HAUS5: variants seen among roughly 807,000 people sequenced by gnomAD.
HAUS5 encodes HAUS augmin like complex subunit 5, also known as HAUS augmin-like complex subunit 5.
A neutral mutation model predicts 94.1 loss-of-function variants in HAUS5; 67 were observed. That is an observed-to-expected ratio of 0.71 (90% confidence interval 0.58 to 0.87). HAUS5 has a LOEUF of 0.87. Among genes scored for constraint, HAUS5 ranks in the 40% least tolerant of loss-of-function variants. The pLI is 0.00. For missense variants in HAUS5, 739 were observed against 825.6 expected (o/e 0.90, Z 1.29); for synonymous variants, 339 against 355.4 (o/e 0.95, Z 0.52).
In HAUS5 at chr19:35,622,960, G is replaced by A; in HGVS notation, c.1869G>A (p.Gln623=). Residue 623 remains glutamine (Q), a synonymous_variant, in exon 19 of 19, where the codon CAG becomes CAA. Transcript: ENST00000203166. ...CCCAGTGGCGGCTGCGCTGGGTTCA[G>A]GCCCAGGGGGCCCTGCAGAAGCTGT... ...SLPQWRLRWV[Q]AQGALQKLCS is the part of the protein sequence containing the mutation. 3.1e-6 allele frequency: 5 copies of A among 1,612,610 alleles called. No homozygotes were observed. Among genetic ancestry groups the A allele is most frequent in the Non-Finnish European group, 4.2e-6 (5 of 1,179,356 alleles).
Position 35,619,997 on chromosome 19 carries a change from T to G in HAUS5, c.1407-15T>G, listed in dbSNP as rs945855597. The stretch of plus-strand genomic sequence containing the variant: ...TCTCAGTCCCCACCCAACCCAGACT[T>G]CTCCCCGCCCGTAGGTTGAAGCCCC... On this transcript the variant is annotated splice_polypyrimidine_tract_variant and intron_variant, in intron 15 of 18. Coordinates refer to ENST00000203166, the MANE Select transcript of HAUS5 (RefSeq NM_015302.2). The G allele has an allele frequency of 3.1e-6, 5 of 1,610,420 alleles. No individual in the cohort carries two copies. Among genetic ancestry groups the G allele is most frequent in the Admixed American group, 3.3e-5 (2 of 59,776 alleles).
At chr19:35,617,979 G>A (rs1648311236) in intron 9 of HAUS5, 67 bp downstream of exon 9, 4 of 1,606,272 alleles carry the variant, frequency 2.5e-6, no homozygotes, top group African/African-American at 1.3e-5. Flanking sequence ...AGGGTGCCAG[G>A]ACCTAACTCT....
Position 35,617,315 on chromosome 19 carries a change from G to T in HAUS5, c.584G>T (p.Arg195Leu). The T allele has an allele frequency of 6.2e-7, 1 of 1,613,952 alleles. No individual in the cohort carries two copies. Among genetic ancestry groups the T allele is most frequent in the Non-Finnish European group, 8.5e-7 (1 of 1,179,866 alleles). Residue 195 changes from arginine to leucine, a missense_variant, in exon 8 of 19, where the codon CGG (arginine) becomes CTG (leucine). By Grantham distance (102) the Arg-to-Leu change is moderately radical. Transcript: ENST00000203166. ...GATGTCCGAACAGCCTGCACCCTCC[G>T]GGCCCAGTTCCTGCAGAACCTCCTG... ...LRDVRTACTL[R>L]AQFLQNLLLP...
In HAUS5 at chr19:35,618,642, A is replaced by C. The variant is rs914798156; in HGVS notation, c.959A>C (p.Gln320Pro). ...CTGAAGGAGCGGCAAGTCTTGACCC[A>C]GCGCCTCCAGGGCCTGGTGGAGGAG... ...TLLKERQVLTQRLQGLVEEVE... is the reference protein window; with the variant it reads ...TLLKERQVLTPRLQGLVEEVE... The change falls in exon 12 of 19, where the codon CAG becomes CCG. Residue 320 changes from glutamine to proline, a missense_variant. Gln to Pro is a moderately conservative substitution (Grantham distance 76, BLOSUM62 -1). Coordinates refer to ENST00000203166, the MANE Select transcript of HAUS5 (RefSeq NM_015302.2). 2.5e-6 allele frequency: 4 copies of C among 1,607,106 alleles called. No homozygotes were observed. The highest frequency in any genetic ancestry group is 3.4e-6 in the Non-Finnish European group (4 of 1,174,766).
At chr19:35,619,584 G>GCCCCCCCCCCCCCCCCCCCAAC in intron 14 of HAUS5, 29 bp from the exon 15 acceptor site, 1 of 1,533,876 alleles carries the variant, frequency 6.5e-7, no homozygotes, top group East Asian at 2.3e-5. Flanking sequence ...ATGTTGTGAT[G>GCCCCCCCCCCCCCCCCCCCAAC]CCCCACCCAC....
rs1227771290 is a variant in HAUS5, at chr19:35,622,609, C to G, written c.1660C>G (p.Gln554Glu). ...GGCTTTCTCACCCTCAGAGCTGCTG[C>G]AGATCCAGGCATCCCAGGAAAAACA... ...PPGLPTQELL[Q>E]IQASQEKQQK... Residue 554 changes from glutamine to glutamate, a missense_variant, in exon 18 of 19, where the codon CAG becomes GAG. Physicochemically the swap from Gln to Glu is conservative, Grantham distance 29 (BLOSUM62 2). Transcript: ENST00000203166. The G allele has an allele frequency of 6.2e-7, 1 of 1,613,788 alleles. No homozygotes were observed. Among genetic ancestry groups the G allele is most frequent in the Admixed American group, 1.7e-5 (1 of 59,982 alleles).
At position 35,622,968 on chromosome 19, in the gene HAUS5, G is replaced by C; in HGVS notation, c.1877G>C (p.Gly626Ala). The change falls in exon 19 of 19, where the codon GGG becomes GCG. Residue 626 changes from glycine to alanine, a missense_variant. Transcript: ENST00000203166. ...CGGCTGCGCTGGGTTCAGGCCCAGG[G>C]GGCCCTGCAGAAGCTGTGCAGCTGA... ...QWRLRWVQAQGALQKLCS is the reference protein window; with the variant it reads ...QWRLRWVQAQAALQKLCS The C allele has an allele frequency of 6.2e-7, 1 of 1,612,132 alleles. No homozygotes were observed. Among genetic ancestry groups the C allele is most frequent in the Non-Finnish European group, 8.5e-7 (1 of 1,178,940 alleles).
chr19:35,615,259 C>T lies in HAUS5; in HGVS notation c.358C>T (p.Gln120Ter). 3 of 1,614,098 alleles carry T rather than the reference C, an allele frequency of 1.9e-6. No individual in the cohort carries two copies. The highest frequency in any genetic ancestry group is 2.5e-6 in the Non-Finnish European group (3 of 1,180,016). The change falls in exon 6 of 19, where the codon CAA (glutamine) becomes TAA (stop). Residue 120 changes from glutamine to a stop codon, truncating the protein, a stop_gained. Coordinates refer to ENST00000203166, the MANE Select transcript of HAUS5 (RefSeq NM_015302.2). LOFTEE classifies it high-confidence loss of function. ...CATGGAGCAGGCACGTCAGCACACT[C>T]AAGACACCCAGCGTCGAGCTCTCCT... ...TAMEQARQHT[Q>*]DTQRRALLLR...
intron 13 of HAUS5, 88 bp from the exon 14 acceptor site, chr19:35,619,336 C>A: frequency 9.2e-7 from 1 of 1,086,192 alleles, no homozygotes; most frequent in Non-Finnish European, 1.3e-6. Context: ...CCAGGTGAGA[C>A]TCCCAGGCAG....
intron 17 of HAUS5, among the ~76,000 whole-genome samples, chr19:35,620,992 A>C (rs934185441): frequency 8.5e-5 from 13 of 152,330 alleles, no homozygotes; most frequent in African/African-American, 2.9e-4. Context: ...TCATTCCTGG[A>C]TTCACTCACC....
At chr19:35,618,303 C>T in intron 10 of HAUS5, 99 bp from the exon 11 acceptor site, 1 of 1,601,762 alleles carries the variant, frequency 6.2e-7, no homozygotes, top group Admixed American at 1.7e-5. Flanking sequence ...AGAACTGAAA[C>T]CCACTGCCTG....
chr19:35,621,893 G>A (rs983538920), intron 17 of HAUS5, among the ~76,000 whole-genome samples: 6 of 152,234 alleles, frequency 3.9e-5, no homozygotes, highest in East Asian at 1.9e-4. Flanking sequence ...GTCTGATCAC[G>A]CTGCTCGTCT....
chr19:35,623,752 A>G lies in HAUS5; in HGVS notation c.*759A>G, dbSNP rs1011229473. The G allele has an allele frequency of 5.3e-5, 8 of 152,136 alleles. No homozygotes were observed. Among genetic ancestry groups the G allele is most frequent in the Non-Finnish European group, 7.3e-5 (5 of 68,034 alleles). The allele number at this position is 152,136 out of a possible 1,614,324, so 9.4% of individuals were successfully genotyped here. A position where few individuals can be genotyped will look rare whatever the true frequency, so the allele number is the denominator to read the frequency against. ...TCAGAGTGGCAGTTGCCTCTGAGGG[A>G]AGGTGGGTGGCAGGGATCAACTGAG... On this transcript the variant is annotated 3_prime_UTR_variant, in exon 19 of 19. Coordinates refer to ENST00000203166, the MANE Select transcript of HAUS5 (RefSeq NM_015302.2).
rs1967240392 is a variant in HAUS5 at position 35,623,053 on chromosome 19, C to T, written c.*60C>T. ...CTGTTCACCCCAACACCTCACCTCC[C>T]CCAGGACATTTGGAAGAAAGCAGCG... is the stretch of plus-strand genomic sequence containing the variant. On this transcript the variant is annotated 3_prime_UTR_variant, in exon 19 of 19. Transcript: ENST00000203166. 8.9e-7 allele frequency: 1 copy of T among 1,123,000 alleles called. No homozygotes were observed. Among genetic ancestry groups the T allele is most frequent in the African/African-American group, 1.6e-5 (1 of 64,340 alleles). 69.6% of individuals were successfully genotyped at this position (1,123,000 alleles called of 1,614,324 possible). A position where few individuals can be genotyped will look rare whatever the true frequency, so the allele number is the denominator to read the frequency against.
At chr19:35,619,815 C>T (rs1967178305) in intron 15 of HAUS5, 57 bp downstream of exon 15, 3 of 1,495,084 alleles carry the variant, frequency 2.0e-6, no homozygotes, top group Non-Finnish European at 2.7e-6. Flanking sequence ...GTGACTGTCA[C>T]TCCCTGAACC....
At chr19:35,618,244 G>A (rs1967138867) in intron 10 of HAUS5, 49 bp downstream of exon 10, 3 of 1,597,370 alleles carry the variant, frequency 1.9e-6, no homozygotes, top group African/African-American at 1.3e-5. Flanking sequence ...GTGAGTGGGT[G>A]AGCTGGGACA....
rs1490233732 is a variant in HAUS5, at chr19:35,618,484, TC to T, written c.885+23del. 1.3e-6 allele frequency: 2 copies of T among 1,586,470 alleles called. No individual in the cohort carries two copies. Among genetic ancestry groups the T allele is most frequent in the African/African-American group, 2.7e-5 (2 of 74,048 alleles). The stretch of plus-strand genomic sequence containing the variant: ...CATCCAGGTGACCCCAGGGCTCGCC[TC>T]CCCACCACATTCCAAGACTTCCTTA... On this transcript the variant is annotated intron_variant, in intron 11 of 18. Coordinates refer to ENST00000203166, the MANE Select transcript of HAUS5 (RefSeq NM_015302.2).
chr19:35,613,597 A>G (rs2071914398), intron 1 of HAUS5, 133 bp from the exon 2 acceptor site: 1 of 692,338 alleles, frequency 1.4e-6, no homozygotes, highest in Non-Finnish European at 2.4e-6. Context: ...AAAAGGCAAA[A>G]AAAAGTTTGG....
At chr19:35,613,836 T>C (rs1307895666) in intron 2 of HAUS5, 32 bp from the exon 3 acceptor site, 2 of 1,614,022 alleles carry the variant, frequency 1.2e-6, no homozygotes, top group Admixed American at 1.7e-5. Flanking sequence ...GTGAGGCCCA[T>C]AGTAACTCCT....
Sources: allele counts gnomAD v4.1 joint callset (sites outside exome capture counted in the v4.1 genomes callset), GRCh38; gene constraint gnomAD v4.1.1; transcripts MANE v1.5; gene names NCBI Gene and HGNC (gene_info 2026-07-23, HGNC 2026-07-21).